MYCBP2: variants seen among roughly 807,000 people sequenced by gnomAD.
MYCBP2 encodes the protein MYC binding protein 2.
In MYCBP2, 120 loss-of-function variants were observed where a neutral mutation model predicts 525.3. The ratio of observed to expected loss-of-function variants is 0.23; its 90% CI spans 0.20 to 0.27. MYCBP2 has a LOEUF of 0.27. MYCBP2 is among the 10% of genes least tolerant of loss of function. MYCBP2 has a pLI of 1.00. For missense variants in MYCBP2, 4,149 were observed against 5,657.1 expected, an observed-to-expected ratio of 0.73 and a Z score of 8.55; for synonymous variants, 1,894 against 1,955.8, an observed-to-expected ratio of 0.97 and a Z score of 0.83.
intron 17 of MYCBP2, among the ~76,000 whole-genome samples, chr13:77,238,588 C>G (rs976965936): frequency 3.9e-5 from 6 of 152,084 alleles, no homozygotes; most frequent in African/African-American, 1.2e-4. Flanking sequence ...CAAGTTATCA[C>G]AAACCATTGA....
At chr13:77,237,930 T>C (rs1247595865) in intron 17 of MYCBP2, among the ~76,000 whole-genome samples, 2 of 152,088 alleles carry the variant, frequency 1.3e-5, no homozygotes, top group Non-Finnish European at 2.9e-5. Flanking sequence ...AAAACCATAA[T>C]GGTTTTAAGG....
intron 36 of MYCBP2, among the ~76,000 whole-genome samples, chr13:77,175,228 C>T (rs372799682): frequency 1.5e-4 from 22 of 151,354 alleles, no homozygotes; most frequent in Non-Finnish European, 2.2e-4. Flanking sequence ...CTACTGTGCC[C>T]GGCAATAAGG....
intron 69 of MYCBP2, 107 bp downstream of exon 69, chr13:77,070,524 G>T: frequency 1.5e-6 from 1 of 673,064 alleles, no homozygotes; most frequent in African/African-American, 1.8e-5. Context: ...CCAAAAGATT[G>T]GACATCCCTG....
At chr13:77,281,451 C>T (rs762501258) in intron 3 of MYCBP2, among the ~76,000 whole-genome samples, 1 of 151,952 alleles carries the variant, frequency 6.6e-6, no homozygotes, top group Non-Finnish European at 1.5e-5. Flanking sequence ...AATAAAAGAA[C>T]ACAAGAAGCT....
In MYCBP2 at chr13:77,089,434, T is replaced by C. The variant is rs776393559; in HGVS notation, c.10526-403A>G. 4.1e-4 allele frequency among the ~76,000 whole-genome samples: 63 copies of C among 152,072 alleles called. 1 individual carries two copies. The highest frequency in any genetic ancestry group is 8.8e-5 in the Non-Finnish European group (6 of 67,990). On this transcript the variant is annotated intron_variant, in intron 60 of 82. Transcript: ENST00000544440. Reference sequence around the variant, plus strand: ...AATGAACCTATAAATTGCTGGACAATCTTCAATAATGTTTTTCTTAAAAGT... The same window carrying C: ...AATGAACCTATAAATTGCTGGACAACCTTCAATAATGTTTTTCTTAAAAGT...
At position 77,161,652 on chromosome 13, in the gene MYCBP2, G is replaced by A. The variant is rs2296854; in HGVS notation, c.6597+254C>T. 6.1e-3 allele frequency among the ~76,000 whole-genome samples: 922 copies of A among 152,236 alleles called. 9 individuals are homozygous for A. Among genetic ancestry groups the A allele is most frequent in the East Asian group, 0.046 (238 of 5,180 alleles). Reference sequence around the variant, plus strand: ...CTGCAAGCCATCCTCCGCACCCTTGGCACTTGATTTGTTTTTTTCTCCCGA... The same window carrying A: ...CTGCAAGCCATCCTCCGCACCCTTGACACTTGATTTGTTTTTTTCTCCCGA... On this transcript the variant is annotated intron_variant, in intron 44 of 82. Transcript: ENST00000544440.
intron 29 of MYCBP2, among the ~76,000 whole-genome samples, 170 bp downstream of exon 29, chr13:77,190,082 A>T (rs2061151581): frequency 6.6e-6 from 1 of 152,158 alleles, no homozygotes; most frequent in Non-Finnish European, 1.5e-5. Flanking sequence ...GTTTAAAAAT[A>T]TACAAAATAT....
chr13:77,150,636 G>T, intron 47 of MYCBP2, 98 bp downstream of exon 47: 1 of 926,174 alleles, frequency 1.1e-6, no homozygotes, highest in Non-Finnish European at 1.7e-6. Context: ...AATGCTCTTT[G>T]GACTTACAAT....
intron 26 of MYCBP2, among the ~76,000 whole-genome samples, chr13:77,199,891 TAC>T (rs1273349289): frequency 1.3e-5 from 2 of 152,110 alleles, no homozygotes; most frequent in African/African-American, 4.8e-5. Flanking sequence ...AACCCATCTG[TAC>T]ATCACCATCA....
At chr13:77,241,575 T>G (rs965078999) in intron 17 of MYCBP2, among the ~76,000 whole-genome samples, 1 of 152,278 alleles carries the variant, frequency 6.6e-6, no homozygotes, top group Admixed American at 6.5e-5. Context: ...GTAAGAAATA[T>G]TTAACATGCA....
intron 82 of MYCBP2, among the ~76,000 whole-genome samples, chr13:77,050,651 T>TA (rs58763547): frequency 0.037 from 5,326 of 144,212 alleles, 110 homozygotes; most frequent in East Asian, 0.054. Flanking sequence ...CAGGCTTCGT[T>TA]AAAAAAAAAA....
At chr13:77,284,275 C>T (rs2154355330) in intron 3 of MYCBP2, among the ~76,000 whole-genome samples, 1 of 151,084 alleles carries the variant, frequency 6.6e-6, no homozygotes, top group Admixed American at 6.6e-5. Flanking sequence ...AAACCTCAGG[C>T]AAGAAGGAAT....
intron 48 of MYCBP2, 68 bp downstream of exon 48, chr13:77,146,094 A>G: frequency 1.0e-6 from 1 of 989,764 alleles, no homozygotes; most frequent in Non-Finnish European, 1.5e-6. Flanking sequence ...GTTGAAATGC[A>G]GGATGATTTT....
At chr13:77,084,310 T>G (rs945673079) in intron 62 of MYCBP2, among the ~76,000 whole-genome samples, 1 of 152,194 alleles carries the variant, frequency 6.6e-6, no homozygotes, top group Non-Finnish European at 1.5e-5. Flanking sequence ...TTGCTACCAA[T>G]GTAAGCCCAT....
Position 77,168,401 on chromosome 13 carries a change from C to T in MYCBP2, c.6114+27G>A, listed in dbSNP as rs116648901. The T allele has an allele frequency of 1.7e-3, 2,770 of 1,596,342 alleles. 39 individuals carry two copies. In the African/African-American group the frequency reaches 0.031, roughly 18 times the overall value. ...AGAACCTCATGCCAAGTTTTACATT[C>T]GAATCACACTAAGAACCGGTGCCTA... On this transcript the variant is annotated intron_variant, in intron 40 of 82. Coordinates refer to ENST00000544440, the MANE Select transcript of MYCBP2 (RefSeq NM_015057.5).
chr13:77,154,703 A>T (rs1247809142), intron 46 of MYCBP2, among the ~76,000 whole-genome samples: 1 of 152,118 alleles, frequency 6.6e-6, no homozygotes, highest in Non-Finnish European at 1.5e-5. Flanking sequence ...TTCATCAGTG[A>T]ATACACAATA....
chr13:77,133,655 AT>A (rs1480000505), intron 52 of MYCBP2, among the ~76,000 whole-genome samples: 3 of 152,150 alleles, frequency 2.0e-5, no homozygotes, highest in Non-Finnish European at 4.4e-5. Context: ...AGAGAAAGCT[AT>A]TCTCCCCAGT....
In MYCBP2 at chr13:77,260,452, C is replaced by T; in HGVS notation, c.1993G>A (p.Asp665Asn). The change falls in exon 13 of 83, where the codon GAT becomes AAT. Residue 665 changes from aspartate (D) to asparagine (N), a missense_variant. Physicochemically the swap from Asp to Asn is conservative, Grantham distance 23. Coordinates refer to ENST00000544440, the MANE Select transcript of MYCBP2 (RefSeq NM_015057.5). Reference sequence around the variant, plus strand: ...CTTGAACTATCAGAGTAAATGGCATCTTTTCCAAACATGTAGAGTTCTCCA... The same window carrying T: ...CTTGAACTATCAGAGTAAATGGCATTTTTTCCAAACATGTAGAGTTCTCCA... ...KDGELYMFGK[D>N]AIYSDSSSLV... The T allele has an allele frequency of 6.3e-7, 1 of 1,596,036 alleles. No individual in the cohort carries two copies. Among genetic ancestry groups the T allele is most frequent in the Non-Finnish European group, 8.5e-7 (1 of 1,175,066 alleles).
chr13:77,073,043 T>G (rs969262574), intron 68 of MYCBP2, among the ~76,000 whole-genome samples: 3 of 152,176 alleles, frequency 2.0e-5, no homozygotes, highest in Admixed American at 2.0e-4. Flanking sequence ...AAGCATAGAA[T>G]TCAATGGTTT....
Sources: allele counts gnomAD v4.1 joint callset (sites outside exome capture counted in the v4.1 genomes callset), GRCh38; gene constraint gnomAD v4.1.1; transcripts MANE v1.5; gene names NCBI Gene and HGNC (gene_info 2026-07-23, HGNC 2026-07-21).